SLC5A2: variants seen among roughly 807,000 people sequenced by gnomAD.
The protein encoded by SLC5A2 is solute carrier family 5 member 2, also known as sodium/glucose cotransporter 2.
Under a neutral mutation model 69.0 loss-of-function variants are expected in SLC5A2, and 67 were observed. The ratio of observed to expected loss-of-function variants is 0.97; its 90% CI spans 0.80 to 1.19. The LOEUF (loss-of-function observed/expected upper bound fraction) is 1.19. Ranked by LOEUF, SLC5A2 falls within the 50% of genes most tolerant of loss-of-function variation. The probability of loss-of-function intolerance (pLI) is 0.00; values close to 1 mark genes in which losing one functional copy is unlikely to be tolerated. For missense variants in SLC5A2, 1,001 were observed against 921.5 expected, an observed-to-expected ratio of 1.09 and a Z score of -1.12; for synonymous variants, 455 against 395.8, an observed-to-expected ratio of 1.15 and a Z score of -1.78.
chr16:31,488,425 G>A lies in SLC5A2; in HGVS notation c.1064G>A (p.Cys355Tyr). Residue 355 changes from cysteine to tyrosine, a missense_variant, in exon 9 of 14, where the codon TGC becomes TAC. Transcript: ENST00000330498. ...CVVPEVCRRV[C>Y]GTEVGCSNIA... The stretch of plus-strand genomic sequence containing the variant: ...GTGCCTGAGGTGTGCAGGCGCGTGT[G>A]CGGCACGGAGGTGGGCTGCTCCAAC... The A allele has an allele frequency of 6.2e-7, 1 of 1,611,774 alleles. No individual in the cohort carries two copies. Among genetic ancestry groups the A allele is most frequent in the Non-Finnish European group, 8.5e-7 (1 of 1,179,764 alleles).
In SLC5A2 at chr16:31,490,426, C is replaced by A; in HGVS notation, c.1910C>A (p.Ala637Asp). The A allele has an allele frequency of 6.2e-7, 1 of 1,613,728 alleles. No individual in the cohort carries two copies. The highest frequency in any genetic ancestry group is 1.1e-5 in the South Asian group (1 of 91,000). ...ACCCAGGAGGAGGCAGCGGCAGCAG[C>A]CAGGCGGCTGGAGGACATCAGCGAG... is the stretch of plus-strand genomic sequence containing the variant. ...PLTQEEAAAA[A>D]RRLEDISEDP... is the part of the protein sequence containing the mutation. Residue 637 changes from alanine (A) to aspartate (D), a missense_variant, in exon 14 of 14, where the codon GCC becomes GAC. Physicochemically the swap from Ala to Asp is moderately radical, Grantham distance 126 (BLOSUM62 -2). Transcript: ENST00000330498.
rs768164745 is a variant in SLC5A2, at chr16:31,490,203, T to A, written c.1765T>A (p.Cys589Ser). ...CTCCTCACTCCCTGTACAGAATGGG[T>A]GCCCAGAGAGTGCCATGGAGATGAA... Reference protein sequence around the residue: ...QGSSLPVQNGCPESAMEMNEP... With the variant: ...QGSSLPVQNGSPESAMEMNEP... Residue 589 changes from cysteine (C) to serine (S), a missense_variant, in exon 13 of 14, where the codon TGC becomes AGC. By Grantham distance (112) the Cys-to-Ser change is moderately radical (BLOSUM62 -1). Transcript: ENST00000330498. 1.2e-6 allele frequency: 2 copies of A among 1,614,118 alleles called. No individual in the cohort carries two copies. The highest frequency in any genetic ancestry group is 1.7e-6 in the Non-Finnish European group (2 of 1,180,012).
intron 3 of SLC5A2, 60 bp downstream of exon 3, chr16:31,484,983 C>A: frequency 6.9e-7 from 1 of 1,451,890 alleles, no homozygotes; most frequent in Non-Finnish European, 9.6e-7. Flanking sequence ...AAGGGTCACA[C>A]CTTGGGGAAA....
Position 31,488,908 on chromosome 16 carries a change from T to C in SLC5A2, c.1309T>C (p.Ser437Pro), listed in dbSNP as rs1567390826. 3 of 1,605,406 alleles carry C rather than the reference T, an allele frequency of 1.9e-6. No individual in the cohort carries two copies. The highest frequency in any genetic ancestry group is 4.5e-5 in the East Asian group (2 of 44,852). ...RLWVVFIVVVSVAWLPVVQAA... is the reference protein window; with the variant it reads ...RLWVVFIVVVPVAWLPVVQAA... ...CTGGGTGGTGTTCATCGTGGTAGTGTCGGTGGCCTGGCTTCCCGTGGTGCA... is the reference window on the plus strand; with the variant it reads ...CTGGGTGGTGTTCATCGTGGTAGTGCCGGTGGCCTGGCTTCCCGTGGTGCA... Residue 437 changes from serine (S) to proline (P), a missense_variant, in exon 11 of 14, where the codon TCG (serine) becomes CCG (proline). By Grantham distance (74) the Ser-to-Pro change is moderately conservative (BLOSUM62 -1). Transcript: ENST00000330498.
chr16:31,487,788 A>G (rs1218216392), intron 7 of SLC5A2, 29 bp downstream of exon 7: 1 of 1,580,062 alleles, frequency 6.3e-7, no homozygotes, highest in Admixed American at 1.7e-5. Context: ...GCCTGCAGTG[A>G]GGCCGGGGCG....
chr16:31,488,796 C>G (rs770066959), intron 10 of SLC5A2, 24 bp downstream of exon 10: 1 of 1,600,550 alleles, frequency 6.2e-7, no homozygotes, highest in Admixed American at 1.7e-5. Context: ...TCCCCTCCTC[C>G]CCAACGGATC....
chr16:31,485,236 C>T (rs867086170), intron 3 of SLC5A2: 4 of 517,054 alleles, frequency 7.7e-6, no homozygotes, highest in Middle Eastern at 5.4e-4. Context: ...TGCTCAGATG[C>T]GCTCCGAAGC....
chr16:31,486,050 A>T, intron 4 of SLC5A2, 120 bp from the exon 5 acceptor site: 1 of 1,178,586 alleles, frequency 8.5e-7, no homozygotes, highest in Non-Finnish European at 1.3e-6. Context: ...GGCACCAGCT[A>T]CAGTGCTGGG....
chr16:31,487,491 G>C (rs371659276), intron 6 of SLC5A2, 39 bp from the exon 7 acceptor site: 121 of 1,611,946 alleles, frequency 7.5e-5, no homozygotes, highest in Admixed American at 2.8e-4. Flanking sequence ...TCCGGTCTGA[G>C]GGTCCTAAGG....
rs2082492739 is a variant in SLC5A2 at position 31,486,022 on chromosome 16, T to A, written c.468+129T>A. On this transcript the variant is annotated intron_variant, in intron 4 of 13. Transcript: ENST00000330498. ...GGGTTATGATGATGGAGGCAGAGCC[T>A]GCAATGAATGTCTCCGGGGCACCAG... 13 of 1,223,186 alleles carry A rather than the reference T, an allele frequency of 1.1e-5. No individual in the cohort carries two copies. The South Asian group carries it at 1.5e-4, about 14-fold the overall frequency. 75.8% of individuals were successfully genotyped at this position (1,223,186 alleles called of 1,614,324 possible). A position where few individuals can be genotyped will look rare whatever the true frequency, so the allele number is the denominator to read the frequency against.
intron 12 of SLC5A2, 67 bp downstream of exon 12, chr16:31,489,405 C>A: frequency 6.9e-7 from 1 of 1,441,288 alleles, no homozygotes; most frequent in Non-Finnish European, 9.5e-7. Flanking sequence ...TCCTGGAGTG[C>A]CCAGCTGGGA....
chr16:31,490,683 G>T lies in SLC5A2; in HGVS notation c.*148G>T. 9.2e-7 allele frequency: 1 copy of T among 1,091,622 alleles called. No homozygotes were observed. Among genetic ancestry groups the T allele is most frequent in the Non-Finnish European group, 1.4e-6 (1 of 728,842 alleles). The allele number at this position is 1,091,622 out of a possible 1,614,324, so 67.6% of individuals were successfully genotyped here. On this transcript the variant is annotated 3_prime_UTR_variant, in exon 14 of 14. Transcript: ENST00000330498. ...GGCCTTCCTCTGCCTGGGGCCCACT[G>T]CATCTGATTGGCAGTCACTTCCCAT... is the stretch of plus-strand genomic sequence containing the variant.
rs770214617 is a variant in SLC5A2, at chr16:31,484,914, C to CTT, written c.294_295insTT (p.Glu99LeufsTer21). 8 of 1,613,906 alleles carry CTT rather than the reference C, an allele frequency of 5.0e-6. No homozygotes were observed. The highest frequency in any genetic ancestry group is 1.7e-5 in the Admixed American group (1 of 60,020). On this transcript the variant is annotated frameshift_variant, in exon 3 of 14. Transcript: ENST00000330498. LOFTEE classifies it high-confidence loss of function. Reference sequence around the variant, plus strand: ...CAAGTGGCTTGGCTGTTGCTGGATTCGAGTGGAATGTGAGGCCCTCTTTTT... The same window carrying CTT: ...CAAGTGGCTTGGCTGTTGCTGGATTCTTGAGTGGAATGTGAGGCCCTCTTTTT...
intron 12 of SLC5A2, 114 bp downstream of exon 12, chr16:31,489,452 T>TG: frequency 2.1e-6 from 2 of 938,626 alleles, no homozygotes; most frequent in Non-Finnish European, 3.3e-6. Flanking sequence ...GGGAATGGGC[T>TG]GGGGGTCCAG....
rs754104422 is a variant in SLC5A2, at chr16:31,484,759, G to A, written c.198+15G>A. On this transcript the variant is annotated intron_variant, in intron 2 of 13. Coordinates refer to ENST00000330498, the MANE Select transcript of SLC5A2 (RefSeq NM_003041.4). ...TGTGGTGGCCGGTGAGACGGGCTGGGCCGGGAACGGGAGGGGCCTGGAGAA... is the reference window on the plus strand; with the variant it reads ...TGTGGTGGCCGGTGAGACGGGCTGGACCGGGAACGGGAGGGGCCTGGAGAA... 3.7e-6 allele frequency: 6 copies of A among 1,610,698 alleles called. No individual in the cohort carries two copies. The Admixed American group carries it at 1.0e-4, about 27-fold the overall frequency.
chr16:31,490,202 G>C lies in SLC5A2; in HGVS notation c.1764G>C (p.Gly588=). 1 of 1,614,214 alleles carries C rather than the reference G, an allele frequency of 6.2e-7. No homozygotes were observed. The highest frequency in any genetic ancestry group is 1.3e-5 in the African/African-American group (1 of 75,062). ...GCTCCTCACTCCCTGTACAGAATGG[G>C]TGCCCAGAGAGTGCCATGGAGATGA... is the stretch of plus-strand genomic sequence containing the variant. ...QQGSSLPVQN[G]CPESAMEMNE... The change falls in exon 13 of 14, where the codon GGG becomes GGC. Residue 588 remains glycine (G), a synonymous_variant. Transcript: ENST00000330498.
chr16:31,489,973 A>T (rs1344962746), intron 12 of SLC5A2, 131 bp from the exon 13 acceptor site: 1 of 1,246,846 alleles, frequency 8.0e-7, no homozygotes, highest in Non-Finnish European at 1.1e-6. Flanking sequence ...GCATGAGTTA[A>T]GCCTGGGCTG....
At chr16:31,485,331 G>C (rs2082486827) in intron 3 of SLC5A2, 1 of 443,366 alleles carries the variant, frequency 2.3e-6, no homozygotes, top group African/African-American at 2.0e-5. Flanking sequence ...TGAGGCTCCT[G>C]TTGGAGGGGA....
Position 31,490,231 on chromosome 16 carries a change from G to GT in SLC5A2, c.1792+2dup. The stretch of plus-strand genomic sequence containing the variant: ...CCAGAGAGTGCCATGGAGATGAATG[G>GT]TAGGGCACCATGCTGGGAGGTGGGG... On this transcript the variant is annotated splice_donor_variant, in intron 13 of 13. Transcript: ENST00000330498. LOFTEE classifies it high-confidence loss of function. The GT allele has an allele frequency of 6.2e-7, 1 of 1,614,144 alleles. No homozygotes were observed. Among genetic ancestry groups the GT allele is most frequent in the Non-Finnish European group, 8.5e-7 (1 of 1,179,998 alleles).
Sources: gnomAD v4.1 joint callset for allele counts on GRCh38, gnomAD v4.1.1 for gene constraint, MANE v1.5 for transcripts, NCBI Gene and HGNC (gene_info 2026-07-23, HGNC 2026-07-21) for gene names.